Variants in ECHDC3 observed in about 807,000 individuals in gnomAD.
The protein encoded by ECHDC3 is enoyl-CoA hydratase domain containing 3.
Under a neutral mutation model 17.9 loss-of-function variants are expected in ECHDC3, and 20 were observed. The observed-to-expected ratio is 1.12, with a 90% CI of 0.79 to 1.63. ECHDC3 has a LOEUF of 1.63. Among genes scored for constraint, ECHDC3 ranks in the 40% most tolerant of loss-of-function variants. The probability of loss-of-function intolerance (pLI) is 0.00; values close to 1 mark genes in which losing one functional copy is unlikely to be tolerated. For missense variants in ECHDC3, 407 were observed against 357.7 expected (o/e 1.14, Z -1.11); for synonymous variants, 177 against 149.7 (o/e 1.18, Z -1.33).
chr10:11,760,887 G>A (rs998931787), intron 4 of ECHDC3, among the ~76,000 whole-genome samples: 3 of 152,216 alleles, frequency 2.0e-5, no homozygotes, highest in South Asian at 2.1e-4. Flanking sequence ...CTTCAGACAC[G>A]CTTTGGCATG....
chr10:11,747,303 G>A (rs1429111145), intron 1 of ECHDC3, 46 bp from the exon 2 acceptor site: 1 of 1,604,044 alleles, frequency 6.2e-7, no homozygotes, highest in Admixed American at 1.7e-5. Context: ...GTCCTCACTT[G>A]TTTTGACTGG....
At chr10:11,746,550 C>T (rs1238567161) in intron 1 of ECHDC3, among the ~76,000 whole-genome samples, 1 of 152,098 alleles carries the variant, frequency 6.6e-6, no homozygotes, top group East Asian at 1.9e-4. Flanking sequence ...TCTTCCATCA[C>T]GTGATTATTG....
At chr10:11,747,515 G>C in intron 2 of ECHDC3, 45 bp downstream of exon 2, 1 of 1,597,062 alleles carries the variant, frequency 6.3e-7, no homozygotes, top group South Asian at 1.1e-5. Flanking sequence ...GTGCCCACAA[G>C]AGCTTTCTGA....
intron 3 of ECHDC3, among the ~76,000 whole-genome samples, chr10:11,753,491 A>G (rs1832850843): frequency 6.6e-6 from 1 of 152,244 alleles, no homozygotes; most frequent in African/African-American, 2.4e-5. Context: ...TGGACAGGAC[A>G]GGTAGACTGT....
At chr10:11,746,294 C>T (rs1316443753) in intron 1 of ECHDC3, among the ~76,000 whole-genome samples, 1 of 137,498 alleles carries the variant, frequency 7.3e-6, no homozygotes, top group Non-Finnish European at 1.5e-5. Flanking sequence ...TGCCAATGCA[C>T]TCCAGCCTGG....
chr10:11,761,842 C>T (rs1418093827), intron 4 of ECHDC3, among the ~76,000 whole-genome samples: 1 of 152,242 alleles, frequency 6.6e-6, no homozygotes, highest in Non-Finnish European at 1.5e-5. Context: ...TGCCTGTCTT[C>T]CTCCCTCTCT....
intron 4 of ECHDC3, among the ~76,000 whole-genome samples, chr10:11,755,898 TTTTG>T (rs2133792922): frequency 6.6e-6 from 1 of 152,370 alleles, no homozygotes; most frequent in South Asian, 2.1e-4. Context: ...TGCCGATTAG[TTTTG>T]TTTGTCTTCC....
intron 4 of ECHDC3, among the ~76,000 whole-genome samples, chr10:11,762,060 C>G (rs1832959716): frequency 9.2e-6 from 1 of 108,536 alleles, no homozygotes; most frequent in Non-Finnish European, 2.0e-5. Context: ...TAGTGAGACC[C>G]CATCTTGGAA....
intron 4 of ECHDC3, among the ~76,000 whole-genome samples, chr10:11,759,492 G>A (rs569900800): frequency 5.9e-5 from 9 of 152,120 alleles, no homozygotes; most frequent in Non-Finnish European, 7.4e-5. Context: ...GCTGAGTGCC[G>A]GCACCCTCAC....
At position 11,742,600 on chromosome 10, in the gene ECHDC3, G is replaced by A. The variant is rs1832706450; in HGVS notation, c.24G>A (p.Arg8=). Residue 8 remains arginine, a synonymous_variant, in exon 1 of 5, where the codon CGG becomes CGA. Transcript: ENST00000379215. MAAVAVL[R]AFGASGPMCL... is the part of the protein sequence containing the mutation. ...CTATGGCCGCCGTCGCCGTCTTGCG[G>A]GCCTTCGGGGCAAGTGGGCCCATGT... The A allele has an allele frequency of 7.7e-7, 1 of 1,294,236 alleles. No homozygotes were observed. Among genetic ancestry groups the A allele is most frequent in the Non-Finnish European group, 9.8e-7 (1 of 1,021,872 alleles). The allele number at this position is 1,294,236 out of a possible 1,614,324, so 80.2% of individuals were successfully genotyped here. A position where few individuals can be genotyped will look rare whatever the true frequency, so the allele number is the denominator to read the frequency against.
Position 11,748,876 on chromosome 10 carries a change from ACT to A in ECHDC3, c.293-616_293-615del, listed in dbSNP as rs1273449245. 2.0e-5 allele frequency among the ~76,000 whole-genome samples: 3 copies of A among 152,202 alleles called. No homozygotes were observed. The East Asian group carries it at 5.8e-4, about 29-fold the overall frequency. On this transcript the variant is annotated intron_variant, in intron 2 of 4. Coordinates refer to ENST00000379215, the MANE Select transcript of ECHDC3 (RefSeq NM_024693.5). ...ACTCCAGCCTGGGCAACAGAGCAAGACTCTGTCTCAAACAACAACAACAGCAA... is the reference window on the plus strand; with the variant it reads ...ACTCCAGCCTGGGCAACAGAGCAAGACTGTCTCAAACAACAACAACAGCAA...
Position 11,763,586 on chromosome 10 carries a change from C to A in ECHDC3, c.*42C>A. 6.9e-7 allele frequency: 1 copy of A among 1,451,872 alleles called. No homozygotes were observed. The highest frequency in any genetic ancestry group is 1.4e-5 in the South Asian group (1 of 69,468). The allele number at this position is 1,451,872 out of a possible 1,614,324, so 89.9% of individuals were successfully genotyped here. On this transcript the variant is annotated 3_prime_UTR_variant, in exon 5 of 5. Coordinates refer to ENST00000379215, the MANE Select transcript of ECHDC3 (RefSeq NM_024693.5). The surrounding 1 kb of genome is among the most constrained non-coding windows in gnomAD (Gnocchi z 4.9). ...GAGGCCCACGGGCAGCGCCCAGGAG[C>A]CCACCTTCCCCTCTGGCCCAGCCAC...
chr10:11,758,453 A>C (rs1832909395), intron 4 of ECHDC3, among the ~76,000 whole-genome samples: 1 of 152,188 alleles, frequency 6.6e-6, no homozygotes, highest in Admixed American at 6.5e-5. Context: ...CTAATCAGCT[A>C]ATGAGAACAG....
At chr10:11,754,222 G>C (rs1051518282) in intron 3 of ECHDC3, among the ~76,000 whole-genome samples, 2 of 152,152 alleles carry the variant, frequency 1.3e-5, no homozygotes, top group African/African-American at 4.8e-5. Flanking sequence ...AAACGTTTAT[G>C]GATATAAAAG....
chr10:11,763,154 G>C lies in ECHDC3; in HGVS notation c.592-70G>C, dbSNP rs562527702. The stretch of plus-strand genomic sequence containing the variant: ...ATTTGAGGAAGCAGGTCATTGAGCC[G>C]AGGCGGGACTCAGGTGGCGGGGGCG... On this transcript the variant is annotated intron_variant, in intron 4 of 4. Transcript: ENST00000379215. The surrounding 1 kb of genome is among the most constrained non-coding windows in gnomAD (Gnocchi z 4.9). The C allele has an allele frequency of 1.5e-6, 1 of 664,816 alleles. No individual in the cohort carries two copies. Among genetic ancestry groups the C allele is most frequent in the Non-Finnish European group, 2.8e-6 (1 of 362,388 alleles). The allele number at this position is 664,816 out of a possible 1,614,324, so 41.2% of individuals were successfully genotyped here.
chr10:11,748,400 A>G (rs1832785500), intron 2 of ECHDC3, among the ~76,000 whole-genome samples: 1 of 151,668 alleles, frequency 6.6e-6, no homozygotes, highest in African/African-American at 2.4e-5. Flanking sequence ...CTAATTTTTT[A>G]TTTTTTGTGG....
intron 4 of ECHDC3, among the ~76,000 whole-genome samples, chr10:11,757,158 C>A (rs1464231083): frequency 6.6e-6 from 1 of 152,212 alleles, no homozygotes; most frequent in Non-Finnish European, 1.5e-5. Context: ...TAAAAGACAG[C>A]TGTGCTGACA....
At chr10:11,744,258 C>G (rs1172626173) in intron 1 of ECHDC3, among the ~76,000 whole-genome samples, 4 of 152,238 alleles carry the variant, frequency 2.6e-5, no homozygotes, top group Non-Finnish European at 5.9e-5. Context: ...CACCAGGGTT[C>G]AGAGAGGTCC....
intron 4 of ECHDC3, among the ~76,000 whole-genome samples, chr10:11,761,810 G>A (rs934621704): frequency 6.6e-6 from 1 of 152,210 alleles, no homozygotes; most frequent in South Asian, 2.1e-4. Context: ...CACTTGTGCT[G>A]TACTCTGTTT....
Sources: allele counts gnomAD v4.1 joint callset (sites outside exome capture counted in the v4.1 genomes callset), GRCh38; gene constraint gnomAD v4.1.1; non-coding constraint Gnocchi (gnomAD v3.1); transcripts MANE v1.5; gene names NCBI Gene and HGNC (gene_info 2026-07-23, HGNC 2026-07-21).